The following PPM1A variants were observed in gnomAD, a reference collection of about 807,000 sequenced individuals.
PPM1A encodes protein phosphatase 1A.
PPM1A carries 7 observed loss-of-function variants against 35.0 expected under a neutral mutation model. The observed-to-expected ratio is 0.20, with a 90% CI of 0.11 to 0.38. The LOEUF (loss-of-function observed/expected upper bound fraction) is 0.38, where lower values mean the gene tolerates loss of function less well. Among genes scored for constraint, PPM1A ranks in the 10% least tolerant of loss-of-function variants. PPM1A has a pLI of 1.00. For synonymous variants in PPM1A, 153 were observed against 167.3 expected, an observed-to-expected ratio of 0.91 and a Z score of 0.66; for missense variants, 239 against 467.8, an observed-to-expected ratio of 0.51 and a Z score of 4.51.
At chr14:60,251,279 T>A (rs1028357292) in intron 1 of PPM1A, among the ~76,000 whole-genome samples, 3 of 152,260 alleles carry the variant, frequency 2.0e-5, no homozygotes, top group Non-Finnish European at 4.4e-5. Flanking sequence ...GTAATTATAT[T>A]ATGGGAAAGG....
At chr14:60,256,276 A>C (rs1443375910) in intron 1 of PPM1A, among the ~76,000 whole-genome samples, 3 of 152,248 alleles carry the variant, frequency 2.0e-5, no homozygotes, top group East Asian at 1.9e-4. Context: ...AAAATTAGCC[A>C]GGCGTGGTGG....
chr14:60,288,192 T>C, intron 3 of PPM1A: 1 of 984,494 alleles, frequency 1.0e-6, no homozygotes, highest in Non-Finnish European at 1.2e-6. Flanking sequence ...ATTATTTTTT[T>C]ACAAGAATTT....
At chr14:60,286,593 G>A (rs1887041221) in intron 3 of PPM1A, 7 of 985,256 alleles carry the variant, frequency 7.1e-6, no homozygotes, top group South Asian at 4.7e-5. Flanking sequence ...TAATTTGCAC[G>A]TTAAAGACCT....
intron 1 of PPM1A, among the ~76,000 whole-genome samples, chr14:60,261,670 A>G (rs1026098583): frequency 6.6e-6 from 1 of 152,190 alleles, no homozygotes; most frequent in Non-Finnish European, 1.5e-5. Flanking sequence ...GAAGAATCCT[A>G]TTTTGGGTGC....
intron 4 of PPM1A, among the ~76,000 whole-genome samples, chr14:60,291,179 A>T (rs1235653555): frequency 1.3e-5 from 2 of 152,108 alleles, no homozygotes; most frequent in African/African-American, 4.8e-5. Flanking sequence ...CTGGGTTGGT[A>T]GAGTGTTATA....
chr14:60,264,405 T>A (rs183903156), intron 1 of PPM1A, among the ~76,000 whole-genome samples: 1 of 152,144 alleles, frequency 6.6e-6, no homozygotes, highest in Admixed American at 6.5e-5. Flanking sequence ...CTTGGGCAAG[T>A]TCAAAATGGA....
chr14:60,270,369 C>G (rs997002601), intron 1 of PPM1A, among the ~76,000 whole-genome samples: 8 of 151,970 alleles, frequency 5.3e-5, no homozygotes, highest in African/African-American at 1.9e-4. Context: ...ACCTAGTTTT[C>G]TAAGGTAAAT....
intron 4 of PPM1A, among the ~76,000 whole-genome samples, chr14:60,291,169 C>G (rs1887591547): frequency 6.6e-6 from 1 of 151,728 alleles, no homozygotes. Context: ...CTTCTATTAA[C>G]TGGGTTGGTA....
chr14:60,286,997 A>C, intron 3 of PPM1A: 1 of 897,392 alleles, frequency 1.1e-6, no homozygotes, highest in African/African-American at 1.8e-5. Flanking sequence ...ATTGGTTCAA[A>C]CTATTGATTC....
chr14:60,264,511 A>G (rs1487075495), intron 1 of PPM1A, among the ~76,000 whole-genome samples: 2 of 152,076 alleles, frequency 1.3e-5, no homozygotes, highest in East Asian at 1.9e-4. Context: ...ACATGTTAAT[A>G]TTTGTTTTAT....
intron 1 of PPM1A, among the ~76,000 whole-genome samples, chr14:60,269,753 T>G (rs1179196263): frequency 6.6e-6 from 1 of 152,206 alleles, no homozygotes; most frequent in Non-Finnish European, 1.5e-5. Context: ...TTTGTCATGT[T>G]GGCCAGGCTG....
At chr14:60,252,290 T>A (rs1003439144) in intron 1 of PPM1A, among the ~76,000 whole-genome samples, 1 of 152,220 alleles carries the variant, frequency 6.6e-6, no homozygotes, top group Non-Finnish European at 1.5e-5. Context: ...AAGATGTAAA[T>A]CTATGCTCAT....
chr14:60,285,530 C>T lies in PPM1A; in HGVS notation c.835-94C>T, dbSNP rs1047879932. On this transcript the variant is annotated intron_variant, in intron 2 of 5. Transcript: ENST00000395076. ...CCTGAAAGTAACATTTTCACTAGAA[C>T]AAGTATAACTGTAATTGGCACAGCT... is the stretch of plus-strand genomic sequence containing the variant. The T allele has an allele frequency of 6.2e-6, 8 of 1,287,434 alleles. No homozygotes were observed. In the African/African-American group the frequency reaches 1.1e-4, roughly 17 times the overall value. 79.8% of individuals were successfully genotyped at this position (1,287,434 alleles called of 1,614,324 possible). A position where few individuals can be genotyped will look rare whatever the true frequency, so the allele number is the denominator to read the frequency against.
intron 1 of PPM1A, among the ~76,000 whole-genome samples, chr14:60,268,941 C>CTTTTTTTT (rs767187097): frequency 7.8e-6 from 1 of 128,634 alleles, no homozygotes; most frequent in African/African-American, 2.8e-5. Context: ...ATTTCATTTT[C>CTTTTTTTT]TTTTTTTTTT....
intron 1 of PPM1A, among the ~76,000 whole-genome samples, chr14:60,281,062 A>C (rs1018671241): frequency 3.3e-5 from 5 of 152,186 alleles, no homozygotes; most frequent in African/African-American, 4.8e-5. Context: ...AGAGTTGTTG[A>C]AGAGATTAAA....
intron 1 of PPM1A, among the ~76,000 whole-genome samples, chr14:60,254,526 G>A (rs1882821424): frequency 6.6e-6 from 1 of 152,138 alleles, no homozygotes; most frequent in South Asian, 2.1e-4. Flanking sequence ...CATTGCTACA[G>A]GAAAGGATGC....
intron 1 of PPM1A, among the ~76,000 whole-genome samples, chr14:60,255,343 T>G (rs1477983353): frequency 1.3e-5 from 2 of 151,134 alleles, no homozygotes; most frequent in African/African-American, 4.9e-5. Flanking sequence ...GGCTAATTTT[T>G]TGTATTTTTA....
intron 1 of PPM1A, among the ~76,000 whole-genome samples, chr14:60,276,171 G>A (rs1595337425): frequency 6.6e-6 from 1 of 152,156 alleles, no homozygotes; most frequent in Non-Finnish European, 1.5e-5. Context: ...GTAAGCATTA[G>A]TGAGCAATGT....
chr14:60,279,449 AACCCAGCTGATTGGGTT>A (rs1310094200), intron 1 of PPM1A, among the ~76,000 whole-genome samples: 1 of 152,162 alleles, frequency 6.6e-6, no homozygotes, highest in African/African-American at 2.4e-5. Context: ...GTTTACACAC[AACCCAGCTGATTGGGTT>A]GTGTGTAACC....
Sources: allele counts gnomAD v4.1 joint callset (sites outside exome capture counted in the v4.1 genomes callset), GRCh38; gene constraint gnomAD v4.1.1; transcripts MANE v1.5; gene names NCBI Gene and HGNC (gene_info 2026-07-23, HGNC 2026-07-21).